FSTL5: variants seen among roughly 807,000 people sequenced by gnomAD.
FSTL5 encodes follistatin-related protein 5.
Under a neutral mutation model 89.1 loss-of-function variants are expected in FSTL5, and 62 were observed. The ratio of observed to expected loss-of-function variants is 0.70; its 90% CI spans 0.57 to 0.86. The LOEUF is 0.86. FSTL5 is among the 40% of genes least tolerant of loss of function. The probability of loss-of-function intolerance (pLI) is 0.00; values close to 1 mark genes in which losing one functional copy is unlikely to be tolerated. For synonymous variants in FSTL5, 383 were observed against 346.2 expected, an observed-to-expected ratio of 1.11 and a Z score of -1.18; for missense variants, 1,057 against 1,001.6, an observed-to-expected ratio of 1.06 and a Z score of -0.75.
intron 2 of FSTL5, among the ~76,000 whole-genome samples, chr4:162,086,607 G>A (rs1288870117): frequency 6.6e-6 from 1 of 151,446 alleles, no homozygotes; most frequent in Non-Finnish European, 1.5e-5. Context: ...CTTTTTTAAT[G>A]CCAAATTTAT....
chr4:161,718,166 C>T (rs1739059816), intron 6 of FSTL5, among the ~76,000 whole-genome samples: 3 of 151,970 alleles, frequency 2.0e-5, no homozygotes, highest in Admixed American at 1.3e-4. Flanking sequence ...GTTGATTTGA[C>T]TAATTTATAG....
chr4:161,790,230 A>G (rs149996829), intron 4 of FSTL5, among the ~76,000 whole-genome samples: 1 of 152,330 alleles, frequency 6.6e-6, no homozygotes, highest in East Asian at 1.9e-4. Flanking sequence ...TCTTTTTCAA[A>G]TTGCCATGCA....
chr4:161,478,471 T>C (rs1729378021), intron 13 of FSTL5, among the ~76,000 whole-genome samples: 1 of 152,134 alleles, frequency 6.6e-6, no homozygotes, highest in South Asian at 2.1e-4. Flanking sequence ...GCCAACAGCA[T>C]TACAACTCAT....
At chr4:161,433,378 CT>C in intron 15 of FSTL5, among the ~76,000 whole-genome samples, 1 of 151,896 alleles carries the variant, frequency 6.6e-6, no homozygotes, top group Non-Finnish European at 1.5e-5. Flanking sequence ...TAAAAAAACC[CT>C]AAAAAAACTG....
chr4:161,542,844 C>T (rs1731878581), intron 8 of FSTL5, 151 bp from the exon 9 acceptor site: 1 of 430,032 alleles, frequency 2.3e-6, no homozygotes, highest in Admixed American at 4.5e-5. Flanking sequence ...ATAGCATTAT[C>T]CACTGAAATG....
At chr4:162,142,472 C>T (rs886546671) in intron 1 of FSTL5, among the ~76,000 whole-genome samples, 1 of 152,152 alleles carries the variant, frequency 6.6e-6, no homozygotes, top group East Asian at 1.9e-4. Flanking sequence ...AGAGACAGCT[C>T]ATCAATGAAT....
chr4:161,422,576 A>G (rs1043476150), intron 15 of FSTL5, among the ~76,000 whole-genome samples: 3 of 152,340 alleles, frequency 2.0e-5, no homozygotes, highest in African/African-American at 7.2e-5. Context: ...AAGTGCTAGC[A>G]TATCTCAGAG....
intron 6 of FSTL5, among the ~76,000 whole-genome samples, chr4:161,740,262 C>T (rs1256930072): frequency 2.0e-5 from 3 of 151,982 alleles, no homozygotes; most frequent in African/African-American, 7.2e-5. Context: ...TCAAGTTATT[C>T]GCCCACCTCG....
At chr4:161,662,752 G>A (rs1736761330) in intron 6 of FSTL5, among the ~76,000 whole-genome samples, 1 of 152,106 alleles carries the variant, frequency 6.6e-6, no homozygotes, top group Non-Finnish European at 1.5e-5. Context: ...GATTGAAGAA[G>A]CACATCAAAT....
chr4:161,631,671 G>A (rs367718679), intron 7 of FSTL5, among the ~76,000 whole-genome samples: 25 of 152,250 alleles, frequency 1.6e-4, no homozygotes, highest in African/African-American at 6.0e-4. Flanking sequence ...GGCACTTGAT[G>A]CTATATTATT....
At chr4:162,087,545 C>G (rs6815209) in intron 2 of FSTL5, among the ~76,000 whole-genome samples, 14,132 of 152,154 alleles carry the variant, frequency 0.093, 795 homozygotes, top group Non-Finnish European at 0.12. Flanking sequence ...GTCTAACACT[C>G]TTATTAACAA....
At chr4:161,538,369 ACAGT>A in intron 9 of FSTL5, 69 bp from the exon 10 acceptor site, 8 of 1,514,836 alleles carry the variant, frequency 5.3e-6, no homozygotes, top group Non-Finnish European at 6.4e-6. Flanking sequence ...TTCTGATTAC[ACAGT>A]CAAACAGTTC....
intron 7 of FSTL5, among the ~76,000 whole-genome samples, chr4:161,640,799 C>G (rs1463151834): frequency 1.3e-5 from 2 of 152,100 alleles, no homozygotes; most frequent in Admixed American, 6.5e-5. Flanking sequence ...TCTTAACATC[C>G]AAGAGTCTCC....
chr4:161,963,891 A>C (rs993942058), intron 3 of FSTL5, among the ~76,000 whole-genome samples: 3 of 152,004 alleles, frequency 2.0e-5, no homozygotes, highest in Non-Finnish European at 4.4e-5. Context: ...AAAATACTTC[A>C]GAAACTGATT....
intron 7 of FSTL5, among the ~76,000 whole-genome samples, chr4:161,639,405 T>C (rs1216262386): frequency 6.6e-6 from 1 of 152,198 alleles, no homozygotes; most frequent in Non-Finnish European, 1.5e-5. Flanking sequence ...CTTAAAACGT[T>C]ATAGGTGTAT....
intron 4 of FSTL5, among the ~76,000 whole-genome samples, chr4:161,833,792 G>A (rs1730933771): frequency 6.6e-6 from 1 of 151,644 alleles, no homozygotes; most frequent in Non-Finnish European, 1.5e-5. Flanking sequence ...TGGGAGATGG[G>A]TTTCCTGAAT....
chr4:162,012,854 C>T (rs74286427), intron 3 of FSTL5, among the ~76,000 whole-genome samples: 19,412 of 151,956 alleles, frequency 0.13, 1,363 homozygotes, highest in East Asian at 0.28. Flanking sequence ...AATTAGAATT[C>T]TGAAATTTAT....
At chr4:161,720,385 GA>G (rs1433269303) in intron 6 of FSTL5, among the ~76,000 whole-genome samples, 2 of 152,002 alleles carry the variant, frequency 1.3e-5, no homozygotes, top group African/African-American at 4.8e-5. Flanking sequence ...AGGATATGGA[GA>G]ACAGGAAACA....
intron 6 of FSTL5, among the ~76,000 whole-genome samples, chr4:161,714,598 A>G (rs772877634): frequency 1.6e-4 from 25 of 152,150 alleles, no homozygotes; most frequent in Non-Finnish European, 3.5e-4. Flanking sequence ...CTTGCTTCCT[A>G]CTTTCAGTCT....
Sources: allele counts gnomAD v4.1 joint callset (sites outside exome capture counted in the v4.1 genomes callset), GRCh38; gene constraint gnomAD v4.1.1; transcripts MANE v1.5; gene names NCBI Gene and HGNC (gene_info 2026-07-23, HGNC 2026-07-21).